Variants in DLG2 observed in about 807,000 individuals in gnomAD.
DLG2 encodes disks large homolog 2.
Under a neutral mutation model 132.5 loss-of-function variants are expected in DLG2, and 45 were observed. That is an observed-to-expected ratio of 0.34 (90% CI 0.27 to 0.44). DLG2 has a LOEUF of 0.44. Among genes scored for constraint, DLG2 ranks in the 20% least tolerant of loss-of-function variants. DLG2 has a pLI of 1.00. For missense variants in DLG2, 1,045 were observed against 1,196.9 expected, an observed-to-expected ratio of 0.87 and a Z score of 1.87; for synonymous variants, 424 against 419.6, an observed-to-expected ratio of 1.01 and a Z score of -0.13.
At chr11:83,887,283 C>T (rs2068197000) in intron 15 of DLG2, among the ~76,000 whole-genome samples, 2 of 152,124 alleles carry the variant, frequency 1.3e-5, no homozygotes, top group African/African-American at 4.8e-5. Flanking sequence ...ACCGATCTCA[C>T]AGAAATACAA....
chr11:84,617,059 C>T (rs533348962), intron 6 of DLG2, among the ~76,000 whole-genome samples: 5 of 150,700 alleles, frequency 3.3e-5, no homozygotes, highest in Middle Eastern at 3.4e-3. Flanking sequence ...TAGGTATACA[C>T]GTGCCATGGT....
At chr11:84,459,023 G>C (rs2099073041) in intron 7 of DLG2, among the ~76,000 whole-genome samples, 1 of 150,676 alleles carries the variant, frequency 6.6e-6, no homozygotes, top group African/African-American at 2.4e-5. Flanking sequence ...TATACACCTA[G>C]TAAATGATGG....
chr11:84,611,083 G>A lies in DLG2; in HGVS notation c.358-76352C>T, dbSNP rs80098472. Among the ~76,000 whole-genome samples the A allele has an allele frequency of 5.4e-4, 78 of 145,440 alleles. No homozygotes were observed. The East Asian group carries it at 0.015, about 28-fold the overall frequency. On this transcript the variant is annotated intron_variant, in intron 6 of 27. Transcript: ENST00000376104. The stretch of plus-strand genomic sequence containing the variant: ...CACACACACTATATGTTTCCCAATG[G>A]TTTATGCCTCTAACTGAGCTAAACA...
intron 6 of DLG2, among the ~76,000 whole-genome samples, chr11:84,771,885 A>G (rs753956816): frequency 8.4e-4 from 128 of 152,350 alleles, no homozygotes; most frequent in Non-Finnish European, 1.7e-3. Context: ...AGGATAAAAA[A>G]TCAATGTACA....
At chr11:83,724,993 T>C (rs2089709768) in intron 18 of DLG2, 5 of 692,466 alleles carry the variant, frequency 7.2e-6, no homozygotes, top group Non-Finnish European at 1.1e-5. Flanking sequence ...CTGACGCTCT[T>C]GAGTGGTGGC....
At chr11:85,128,113 T>C (rs1296341768) in intron 5 of DLG2, among the ~76,000 whole-genome samples, 1 of 152,206 alleles carries the variant, frequency 6.6e-6, no homozygotes, top group Non-Finnish European at 1.5e-5. Flanking sequence ...GTGAATTTTA[T>C]TATGTACATT....
rs143645960 is a variant in DLG2 at position 83,763,424 on chromosome 11, G to T, written c.1825+23266C>A. On this transcript the variant is annotated intron_variant, in intron 18 of 27. Transcript: ENST00000376104. ...TTTTTAATAAATTAGTGTGAATCAA[G>T]ATTGTTTCTATTATAGCTTCCTTCT... Among the ~76,000 whole-genome samples, 238 of 152,220 alleles carry T rather than the reference G, an allele frequency of 1.6e-3. 1 individual carries two copies. Among genetic ancestry groups the T allele is most frequent in the African/African-American group, 5.7e-3 (236 of 41,534 alleles).
chr11:85,082,125 AT>A (rs1370276693), intron 6 of DLG2, among the ~76,000 whole-genome samples: 1 of 152,190 alleles, frequency 6.6e-6, no homozygotes, highest in East Asian at 1.9e-4. Flanking sequence ...GCCAAAAAAA[AT>A]CTATGCCTTC....
At chr11:85,389,050 C>A (rs761943337) in intron 3 of DLG2, among the ~76,000 whole-genome samples, 1 of 151,658 alleles carries the variant, frequency 6.6e-6, no homozygotes, top group African/African-American at 2.4e-5. Flanking sequence ...AATTACCAAG[C>A]CAATCAAGGA....
At chr11:83,483,835 G>A (rs1464453644) in intron 22 of DLG2, among the ~76,000 whole-genome samples, 1 of 152,140 alleles carries the variant, frequency 6.6e-6, no homozygotes, top group Admixed American at 6.5e-5. Flanking sequence ...AGACTTAGAG[G>A]GTTGCATGAT....
intron 14 of DLG2, among the ~76,000 whole-genome samples, chr11:83,934,877 T>C (rs576152363): frequency 6.6e-6 from 1 of 152,302 alleles, no homozygotes; most frequent in African/African-American, 2.4e-5. Context: ...TGAAAGGAAC[T>C]GTGAAATGAA....
chr11:84,273,775 A>G (rs994694308), intron 7 of DLG2, among the ~76,000 whole-genome samples: 8 of 152,202 alleles, frequency 5.3e-5, no homozygotes, highest in Admixed American at 3.9e-4. Context: ...GCATACTCAC[A>G]GTGTCATTTA....
intron 10 of DLG2, among the ~76,000 whole-genome samples, chr11:84,067,234 T>A (rs1328462741): frequency 6.6e-6 from 1 of 151,998 alleles, no homozygotes; most frequent in African/African-American, 2.4e-5. Context: ...CTTGGGAGGC[T>A]GAGGCAGGAG....
At chr11:85,196,470 GA>G (rs1221368940) in intron 4 of DLG2, among the ~76,000 whole-genome samples, 1 of 152,174 alleles carries the variant, frequency 6.6e-6, no homozygotes, top group African/African-American at 2.4e-5. Context: ...CCTAGTGGTT[GA>G]GGGGCCTAAT....
intron 19 of DLG2, among the ~76,000 whole-genome samples, chr11:83,582,761 AAT>A (rs1454917906): frequency 6.6e-6 from 1 of 152,224 alleles, no homozygotes; most frequent in African/African-American, 2.4e-5. Flanking sequence ...GAAGCATACA[AAT>A]ATCTTTCAGC....
chr11:85,611,671 G>A (rs1407884246), intron 2 of DLG2, among the ~76,000 whole-genome samples: 1 of 152,226 alleles, frequency 6.6e-6, no homozygotes, highest in Non-Finnish European at 1.5e-5. Context: ...AAGGGAAAAA[G>A]AATAAATGTG....
At chr11:84,881,529 C>G (rs900632570) in intron 6 of DLG2, among the ~76,000 whole-genome samples, 1 of 152,082 alleles carries the variant, frequency 6.6e-6, no homozygotes. Flanking sequence ...TATTTCTTAA[C>G]GGGGGTGCTA....
chr11:83,927,544 A>G (rs2079204780), intron 15 of DLG2, among the ~76,000 whole-genome samples: 1 of 152,162 alleles, frequency 6.6e-6, no homozygotes, highest in Non-Finnish European at 1.5e-5. Flanking sequence ...TTTTGTGAAT[A>G]AAAAGAAGGC....
At chr11:83,732,549 C>T (rs187595248) in intron 18 of DLG2, among the ~76,000 whole-genome samples, 11 of 152,208 alleles carry the variant, frequency 7.2e-5, no homozygotes, top group Admixed American at 3.9e-4. Context: ...ATCACAACTT[C>T]TAATGGATTT....
Sources: gnomAD v4.1 joint callset for allele counts (sites outside exome capture counted in the v4.1 genomes callset) on GRCh38, gnomAD v4.1.1 for gene constraint, MANE v1.5 for transcripts, NCBI Gene and HGNC (gene_info 2026-07-23, HGNC 2026-07-21) for gene names.